Variants in CNNM1 observed in about 807,000 individuals in gnomAD.
The protein encoded by CNNM1 is cyclin and CBS domain divalent metal cation transport mediator 1.
CNNM1 carries 44 observed loss-of-function variants against 78.8 expected under a neutral mutation model. The observed-to-expected ratio is 0.56, with a 90% CI of 0.44 to 0.72. The LOEUF is 0.72. Among genes scored for constraint, CNNM1 ranks in the 30% least tolerant of loss-of-function variants. The probability of loss-of-function intolerance (pLI) is 0.00; values close to 1 mark genes in which losing one functional copy is unlikely to be tolerated. For missense variants in CNNM1, 1,101 were observed against 1,292.2 expected (o/e 0.85, Z 2.27); for synonymous variants, 584 against 581.5 (o/e 1.00, Z -0.06).
At chr10:99,350,154 T>C (rs138680367) in intron 1 of CNNM1, among the ~76,000 whole-genome samples, 1 of 152,336 alleles carries the variant, frequency 6.6e-6, no homozygotes, top group East Asian at 1.9e-4. Flanking sequence ...TACATTTCCA[T>C]TGGTACCAAG....
chr10:99,330,152 G>C lies in CNNM1; in HGVS notation c.765G>C (p.Arg255=). The C allele has an allele frequency of 1.3e-6, 2 of 1,541,754 alleles. No homozygotes were observed. Among genetic ancestry groups the C allele is most frequent in the Non-Finnish European group, 1.7e-6 (2 of 1,150,056 alleles). The part of the protein sequence containing the change: ...SLLSLDPVEL[R]VLRNSGSAAE... ...TGTCGCTGGACCCGGTGGAGTTACG[G>C]GTGCTGCGGAACAGCGGCTCGGCCG... Residue 255 remains arginine, a synonymous_variant, in exon 1 of 11, where the codon CGG becomes CGC. Transcript: ENST00000356713.
At chr10:99,348,996 G>A (rs566093893) in intron 1 of CNNM1, among the ~76,000 whole-genome samples, 1 of 152,272 alleles carries the variant, frequency 6.6e-6, no homozygotes, top group East Asian at 1.9e-4. Flanking sequence ...CTTGAGCCTG[G>A]GAGGCGGAGG....
chr10:99,388,410 C>A, intron 9 of CNNM1, 109 bp downstream of exon 9: 1 of 1,277,940 alleles, frequency 7.8e-7, no homozygotes, highest in Non-Finnish European at 1.1e-6. Context: ...GCAGCCCGTG[C>A]GTTAAACCTC....
chr10:99,376,078 C>G (rs117470437), intron 6 of CNNM1, among the ~76,000 whole-genome samples: 4,232 of 152,276 alleles, frequency 0.028, 91 homozygotes, highest in East Asian at 0.079. Context: ...CCCAGTGCCC[C>G]CCTCAGGCCT....
chr10:99,333,279 G>A (rs11190057), intron 1 of CNNM1, among the ~76,000 whole-genome samples: 71,491 of 152,120 alleles, frequency 0.47, 19,921 homozygotes, highest in Non-Finnish European at 0.62. Context: ...GTGTCTCATT[G>A]TCATGTGCTG....
chr10:99,373,932 C>T (rs1387997376), intron 6 of CNNM1, among the ~76,000 whole-genome samples: 2 of 152,118 alleles, frequency 1.3e-5, no homozygotes, highest in Non-Finnish European at 2.9e-5. Context: ...CATACACACA[C>T]ACACATATAC....
At chr10:99,381,177 G>T (rs1325060175) in intron 7 of CNNM1, among the ~76,000 whole-genome samples, 1 of 152,094 alleles carries the variant, frequency 6.6e-6, no homozygotes, top group Non-Finnish European at 1.5e-5. Flanking sequence ...TTGGGAGGCT[G>T]AGGTGGGCAG....
chr10:99,341,817 A>G (rs1327347153), intron 1 of CNNM1, among the ~76,000 whole-genome samples: 1 of 152,204 alleles, frequency 6.6e-6, no homozygotes, highest in East Asian at 1.9e-4. Context: ...CAAATGCTAA[A>G]ACTGTATATT....
intron 1 of CNNM1, among the ~76,000 whole-genome samples, chr10:99,332,394 C>T (rs546006511): frequency 3.9e-5 from 6 of 152,284 alleles, no homozygotes; most frequent in Admixed American, 2.6e-4. Context: ...TCTCATTTAA[C>T]TGCATTTTGT....
chr10:99,341,346 T>C (rs2030450866), intron 1 of CNNM1, among the ~76,000 whole-genome samples: 1 of 152,042 alleles, frequency 6.6e-6, no homozygotes, highest in Admixed American at 6.6e-5. Flanking sequence ...CTCAACATCG[T>C]CTGGGCAGGT....
intron 6 of CNNM1, among the ~76,000 whole-genome samples, chr10:99,371,111 G>A (rs569422033): frequency 7.5e-4 from 114 of 152,234 alleles, no homozygotes; most frequent in African/African-American, 2.5e-3. Flanking sequence ...CCCCCTAGAG[G>A]GCTGTGATTT....
At position 99,388,183 on chromosome 10, in the gene CNNM1, C is replaced by T. The variant is rs764844791; in HGVS notation, c.2556C>T (p.Ser852=). Residue 852 remains serine, a synonymous_variant, in exon 9 of 11, where the codon AGC becomes AGT. Coordinates refer to ENST00000356713, the MANE Select transcript of CNNM1 (RefSeq NM_020348.3). ...GCTCAGACGGGCTGAGAAGCCCCAG[C>T]GAGGTAGTGTACCTGAGGATGGAGG... ...CSRSDGLRSP[S]EVVYLRMEEL... is the part of the protein sequence containing the mutation. 1.5e-5 allele frequency: 24 copies of T among 1,613,822 alleles called. No homozygotes were observed. The South Asian group carries it at 1.5e-4, about 10-fold the overall frequency.
intron 7 of CNNM1, among the ~76,000 whole-genome samples, chr10:99,380,803 AGAG>A (rs2032123247): frequency 9.2e-6 from 1 of 108,220 alleles, no homozygotes; most frequent in Non-Finnish European, 2.0e-5. Context: ...AAAAAAAAAA[AGAG>A]AAAACAAAAC....
At chr10:99,364,606 T>C in intron 5 of CNNM1, 90 bp downstream of exon 5, 2 of 1,055,314 alleles carry the variant, frequency 1.9e-6, no homozygotes, top group Non-Finnish European at 2.8e-6. Flanking sequence ...CCTTTGACTC[T>C]TGTTAATCAG....
chr10:99,356,697 A>G (rs2031227448), intron 1 of CNNM1, among the ~76,000 whole-genome samples: 1 of 152,158 alleles, frequency 6.6e-6, no homozygotes. Context: ...AAGGGGCTGG[A>G]TCAGCTGAGA....
rs562170205 is a variant in CNNM1 at position 99,340,876 on chromosome 10, T to TCCTGCCTG, written c.1573+9945_1573+9952dup. Among the ~76,000 whole-genome samples the TCCTGCCTG allele has an allele frequency of 1.3e-3, 185 of 138,252 alleles. 1 individual carries two copies. The highest frequency in any genetic ancestry group is 2.2e-3 in the Non-Finnish European group (148 of 66,038). The allele number at this position is 138,252 out of a possible 152,430, so 90.7% of individuals were successfully genotyped here. On this transcript the variant is annotated intron_variant, in intron 1 of 10. Coordinates refer to ENST00000356713, the MANE Select transcript of CNNM1 (RefSeq NM_020348.3). ...CTCCTTCCCCGCTTCCTTCCTTCCT[T>TCCTGCCTG]CCTGCCTGCCTGCCTGCCTGCCTGC...
At chr10:99,376,252 C>A (rs1244570052) in intron 6 of CNNM1, among the ~76,000 whole-genome samples, 1 of 152,186 alleles carries the variant, frequency 6.6e-6, no homozygotes, top group Admixed American at 6.5e-5. Flanking sequence ...AATCCCCACC[C>A]AAACAATCCT....
In CNNM1 at chr10:99,330,566, G is replaced by A. The variant is rs201936780; in HGVS notation, c.1179G>A (p.Thr393=). 49 of 1,607,602 alleles carry A rather than the reference G, an allele frequency of 3.0e-5. No individual in the cohort carries two copies. In the Middle Eastern group the frequency reaches 9.9e-4, roughly 33 times the overall value. The change falls in exon 1 of 11, where the codon ACG becomes ACA. Residue 393 remains threonine (T), a synonymous_variant. Transcript: ENST00000356713. ...GCCAGGAGATAAGCACCTTCTACAC[G>A]CGGGAGAAGTTGCTGGAGACGTTGC... is the stretch of plus-strand genomic sequence containing the variant. ...ALRQEISTFY[T]REKLLETLRA...
At chr10:99,334,692 G>A (rs536646568) in intron 1 of CNNM1, among the ~76,000 whole-genome samples, 63 of 152,136 alleles carry the variant, frequency 4.1e-4, no homozygotes, top group Non-Finnish European at 6.6e-4. Context: ...TTTTAAAGCT[G>A]GTCTTTAATA....
Sources: allele counts gnomAD v4.1 joint callset (sites outside exome capture counted in the v4.1 genomes callset), GRCh38; gene constraint gnomAD v4.1.1; transcripts MANE v1.5; gene names NCBI Gene and HGNC (gene_info 2026-07-23, HGNC 2026-07-21).